Variants in IHH observed in about 807,000 individuals in gnomAD.
IHH encodes the protein Indian hedgehog signaling molecule.
In IHH, 9 loss-of-function variants were observed where a neutral mutation model predicts 29.4. The observed-to-expected ratio is 0.31, with a 90% CI of 0.18 to 0.53. The LOEUF (loss-of-function observed/expected upper bound fraction) is 0.53. Among genes scored for constraint, IHH ranks in the 20% least tolerant of loss-of-function variants. IHH has a pLI of 0.95. For missense variants in IHH, 454 were observed against 578.1 expected (o/e 0.79, Z 2.20); for synonymous variants, 254 against 252.7 (o/e 1.01, Z -0.05).
chr2:219,060,242 C>G lies in IHH; in HGVS notation c.226G>C (p.Glu76Gln). The G allele has an allele frequency of 6.2e-7, 1 of 1,613,640 alleles. No individual in the cohort carries two copies. Among genetic ancestry groups the G allele is most frequent in the Non-Finnish European group, 8.5e-7 (1 of 1,179,844 alleles). The change falls in exon 1 of 3, where the codon GAG becomes CAG. Residue 76 changes from glutamate (E) to glutamine (Q), a missense_variant. Transcript: ENST00000295731. This position sits in a 1 kb window ranked among gnomAD's most constrained non-coding sequence, Gnocchi z 8.8. Reference sequence around the variant, plus strand: ...TTGGGGGTGAGCTCCTTGAAGCGCTCGGAGCTGCGAGCGATCTTGCCTTCA... The same window carrying G: ...TTGGGGGTGAGCTCCTTGAAGCGCTGGGAGCTGCGAGCGATCTTGCCTTCA... ...RYEGKIARSS[E>Q]RFKELTPNYN...
At chr2:219,057,019 C>T (rs1948838024) in intron 2 of IHH, among the ~76,000 whole-genome samples, 2 of 152,210 alleles carry the variant, frequency 1.3e-5, no homozygotes, top group South Asian at 4.1e-4. Flanking sequence ...AGCCTCTGGG[C>T]TCCTGGTCAG....
rs79195401 is a variant in IHH, at chr2:219,054,959, G to C, written c.*248C>G. 1 of 555,202 alleles carries C rather than the reference G, an allele frequency of 1.8e-6. No homozygotes were observed. Among genetic ancestry groups the C allele is most frequent in the East Asian group, 3.0e-5 (1 of 32,964 alleles). 34.4% of individuals were successfully genotyped at this position (555,202 alleles called of 1,614,324 possible). ...TGGGAGTCGCCGTGCCAGCCTCAAG[G>C]TCTCTAGGAGAGAGGGGTCAACAAC... On this transcript the variant is annotated 3_prime_UTR_variant, in exon 3 of 3. Transcript: ENST00000295731.
At chr2:219,055,996 A>G (rs2106307551) in intron 2 of IHH, 131 bp from the exon 3 acceptor site, 1 of 925,186 alleles carries the variant, frequency 1.1e-6, no homozygotes, top group Non-Finnish European at 1.7e-6. Context: ...ACCATATCCC[A>G]GCTCCTGCCC....
chr2:219,055,607 G>A lies in IHH; in HGVS notation c.836C>T (p.Thr279Met), dbSNP rs776499803. The change falls in exon 3 of 3, where the codon ACG becomes ATG. Residue 279 changes from threonine to methionine, a missense_variant. By Grantham distance (81) the Thr-to-Met change is moderately conservative. Coordinates refer to ENST00000295731, the MANE Select transcript of IHH (RefSeq NM_002181.4). The stretch of plus-strand genomic sequence containing the variant: ...TGCCGGCTCCGTGTGATTGTCAGCC[G>A]TAAAGAGCAGGTGAGCGGGTGTGAG... ...LALTPAHLLF[T>M]ADNHTEPAAR... The A allele has an allele frequency of 9.7e-5, 156 of 1,613,828 alleles. No individual in the cohort carries two copies. Among genetic ancestry groups the A allele is most frequent in the Non-Finnish European group, 1.3e-4 (148 of 1,179,978 alleles).
rs1202541656 is a variant in IHH at position 219,055,600 on chromosome 2, G to A, written c.843C>T (p.Asp281=). 6.2e-7 allele frequency: 1 copy of A among 1,613,930 alleles called. No homozygotes were observed. The highest frequency in any genetic ancestry group is 8.5e-7 in the Non-Finnish European group (1 of 1,179,972). The part of the protein sequence containing the change: ...LTPAHLLFTA[D]NHTEPAARFR... ...AGCGGGCTGCCGGCTCCGTGTGATTGTCAGCCGTAAAGAGCAGGTGAGCGG... is the reference window on the plus strand; with the variant it reads ...AGCGGGCTGCCGGCTCCGTGTGATTATCAGCCGTAAAGAGCAGGTGAGCGG... The change falls in exon 3 of 3, where the codon GAC becomes GAT. Residue 281 remains aspartate (D), a synonymous_variant. Coordinates refer to ENST00000295731, the MANE Select transcript of IHH (RefSeq NM_002181.4).
Position 219,055,510 on chromosome 2 carries a change from G to T in IHH, c.933C>A (p.Gly311=), listed in dbSNP as rs377518167. The change falls in exon 3 of 3, where the codon GGC becomes GGA. Residue 311 remains glycine, a synonymous_variant. Transcript: ENST00000295731. Reference sequence around the variant, plus strand: ...CAGCTGCCACGCGGGCAGGCTGCAGGCCTGGCACCCCAGCCACCAGCACGT... The same window carrying T: ...CAGCTGCCACGCGGGCAGGCTGCAGTCCTGGCACCCCAGCCACCAGCACGT... The part of the protein sequence containing the change: ...GQYVLVAGVP[G]LQPARVAAVS... 36 of 1,610,384 alleles carry T rather than the reference G, an allele frequency of 2.2e-5. No individual in the cohort carries two copies. The highest frequency in any genetic ancestry group is 3.0e-5 in the Non-Finnish European group (35 of 1,178,232).
rs1284764574 is a variant in IHH at position 219,059,884 on chromosome 2, T to TG, written c.315+268dup. On this transcript the variant is annotated intron_variant, in intron 1 of 2. Transcript: ENST00000295731. This position sits in a 1 kb window ranked among gnomAD's most constrained non-coding sequence, Gnocchi z 4.7. ...GCGTCTGGCTGAGCTGCCAGTACTTTGGGGCAGAGGAGCCGCCGCCAACCT... is the reference window on the plus strand; with the variant it reads ...GCGTCTGGCTGAGCTGCCAGTACTTTGGGGGCAGAGGAGCCGCCGCCAACCT... Among the ~76,000 whole-genome samples, 1 of 152,060 alleles carries TG rather than the reference T, an allele frequency of 6.6e-6. No homozygotes were observed. Among genetic ancestry groups the TG allele is most frequent in the Non-Finnish European group, 1.5e-5 (1 of 67,988 alleles).
chr2:219,060,125 G>A lies in IHH; in HGVS notation c.315+28C>T, dbSNP rs1172011108. 13 of 1,588,810 alleles carry A rather than the reference G, an allele frequency of 8.2e-6. No individual in the cohort carries two copies. In the African/African-American group the frequency reaches 1.5e-4, roughly 18 times the overall value. ...GGCAGGTGGCCGTGCTTCGGTGGCGGCGCGCTGGTAGGGCGGATCGCGCTC... is the reference window on the plus strand; with the variant it reads ...GGCAGGTGGCCGTGCTTCGGTGGCGACGCGCTGGTAGGGCGGATCGCGCTC... On this transcript the variant is annotated intron_variant, in intron 1 of 2. Transcript: ENST00000295731. This position sits in a 1 kb window ranked among gnomAD's most constrained non-coding sequence, Gnocchi z 8.8.
rs762286840 is a variant in IHH, at chr2:219,055,895, C to T, written c.578-30G>A. The stretch of plus-strand genomic sequence containing the variant: ...GGGAGAAAGGGACATGAAGGTGTTA[C>T]TGCTGTGCAGCTCAGCCTCCTGGTC... On this transcript the variant is annotated intron_variant, in intron 2 of 2. Transcript: ENST00000295731. The T allele has an allele frequency of 6.9e-6, 11 of 1,590,244 alleles. No homozygotes were observed. The Admixed American group carries it at 1.5e-4, about 22-fold the overall frequency.
At chr2:219,056,739 A>G (rs1263996256) in intron 2 of IHH, among the ~76,000 whole-genome samples, 1 of 152,100 alleles carries the variant, frequency 6.6e-6, no homozygotes, top group Non-Finnish European at 1.5e-5. Context: ...TGGGAGCCAC[A>G]CAGGAACCAT....
rs1372056167 is a variant in IHH at position 219,058,440 on chromosome 2, C to T, written c.316-746G>A. 2.6e-5 allele frequency among the ~76,000 whole-genome samples: 4 copies of T among 152,342 alleles called. No homozygotes were observed. In the South Asian group the frequency reaches 6.2e-4, roughly 24 times the overall value. On this transcript the variant is annotated intron_variant, in intron 1 of 2. Transcript: ENST00000295731. The stretch of plus-strand genomic sequence containing the variant: ...GGGGGGCCACATGCAACGTCTTCCT[C>T]TGCAAGGCGCAAAAGGGGCTGACAA...
In IHH at chr2:219,055,815, C is replaced by G; in HGVS notation, c.628G>C (p.Val210Leu). ...ACACGCGCCCCACTCTCCAGGCGTA[C>G]CTGGGCTCCGGCAGGGAAGCAGCCG... Reference protein sequence around the residue: ...TGGCFPAGAQVRLESGARVAL... With the variant: ...TGGCFPAGAQLRLESGARVAL... The change falls in exon 3 of 3, where the codon GTA becomes CTA. Residue 210 changes from valine to leucine, a missense_variant. This residue lies in a region of IHH where 271 missense variants were observed against 315.9 expected (regional missense o/e 0.86). Coordinates refer to ENST00000295731, the MANE Select transcript of IHH (RefSeq NM_002181.4). 1 of 1,612,524 alleles carries G rather than the reference C, an allele frequency of 6.2e-7. No individual in the cohort carries two copies. Among genetic ancestry groups the G allele is most frequent in the South Asian group, 1.1e-5 (1 of 91,080 alleles).
chr2:219,057,633 T>C lies in IHH; in HGVS notation c.377A>G (p.Lys126Arg). ...GTCCCAGCCCTCGGTCACCCGCAGC[T>C]TCACACCGGGCCACTGGTTCATCAC... is the stretch of plus-strand genomic sequence containing the variant. ...ISVMNQWPGV[K>R]LRVTEGWDED... The change falls in exon 2 of 3, where the codon AAG becomes AGG. Residue 126 changes from lysine to arginine, a missense_variant. Coordinates refer to ENST00000295731, the MANE Select transcript of IHH (RefSeq NM_002181.4). 6.2e-7 allele frequency: 1 copy of C among 1,613,320 alleles called. No individual in the cohort carries two copies. Among genetic ancestry groups the C allele is most frequent in the South Asian group, 1.1e-5 (1 of 91,076 alleles).
chr2:219,059,166 G>A lies in IHH; in HGVS notation c.315+987C>T, dbSNP rs1350883133. The stretch of plus-strand genomic sequence containing the variant: ...CGGCCACCAGCCAACCTTCGGCCCC[G>A]ACACTGGCCGGCCAGCCCCGGCGCC... On this transcript the variant is annotated intron_variant, in intron 1 of 2. Coordinates refer to ENST00000295731, the MANE Select transcript of IHH (RefSeq NM_002181.4). This position sits in a 1 kb window ranked among gnomAD's most constrained non-coding sequence, Gnocchi z 4.7. Among the ~76,000 whole-genome samples, 1 of 152,166 alleles carries A rather than the reference G, an allele frequency of 6.6e-6. No homozygotes were observed. The highest frequency in any genetic ancestry group is 1.5e-5 in the Non-Finnish European group (1 of 68,032).
rs755991378 is a variant in IHH at position 219,055,335 on chromosome 2, A to T, written c.1108T>A (p.Leu370Met). ...CCCGGAGTCCAGCTGCCCCATGCCA[A>T]GCTGTGAAAGAGTCTCAGGGGCCAG... ...AFWPLRLFHS[L>M]AWGSWTPGEG... Residue 370 changes from leucine to methionine, a missense_variant, in exon 3 of 3, where the codon TTG becomes ATG. This residue lies in a region of IHH where 271 missense variants were observed against 315.9 expected (regional missense o/e 0.86). Transcript: ENST00000295731. 2.0e-5 allele frequency: 33 copies of T among 1,613,136 alleles called. 2 individuals carry two copies. In the South Asian group the frequency reaches 3.5e-4, roughly 17 times the overall value.
At chr2:219,057,902 C>T (rs1336902939) in intron 1 of IHH, among the ~76,000 whole-genome samples, 1 of 152,268 alleles carries the variant, frequency 6.6e-6, no homozygotes, top group Non-Finnish European at 1.5e-5. Flanking sequence ...GGGATCTGGA[C>T]CGCACGGCGG....
chr2:219,056,522 T>C (rs945307696), intron 2 of IHH, among the ~76,000 whole-genome samples: 5 of 152,096 alleles, frequency 3.3e-5, no homozygotes, highest in African/African-American at 1.2e-4. Context: ...CGTGGGTCAA[T>C]GTTTGCAGTG....
At chr2:219,057,822 G>C in intron 1 of IHH, 128 bp from the exon 2 acceptor site, 1 of 1,301,226 alleles carries the variant, frequency 7.7e-7, no homozygotes. Context: ...AAGCCCGGGA[G>C]GGTGCTGTCC....
In IHH at chr2:219,055,515, G is replaced by A. The variant is rs761748117; in HGVS notation, c.928C>T (p.Pro310Ser). ...PGQYVLVAGV[P>S]GLQPARVAAV... ...GCCACGCGGGCAGGCTGCAGGCCTG[G>A]CACCCCAGCCACCAGCACGTACTGG... Residue 310 changes from proline to serine, a missense_variant, in exon 3 of 3, where the codon CCA becomes TCA. Transcript: ENST00000295731. 2.5e-6 allele frequency: 4 copies of A among 1,610,460 alleles called. No homozygotes were observed. Among genetic ancestry groups the A allele is most frequent in the Admixed American group, 1.7e-5 (1 of 59,950 alleles).
Sources: gnomAD v4.1 joint callset for allele counts (sites outside exome capture counted in the v4.1 genomes callset) on GRCh38, gnomAD v4.1.1 for gene constraint, gnomAD v4.1.1 regional missense constraint, Gnocchi (gnomAD v3.1) non-coding constraint, MANE v1.5 for transcripts, NCBI Gene and HGNC (gene_info 2026-07-23, HGNC 2026-07-21) for gene names.